Variants in ADCY2 observed in about 807,000 individuals in gnomAD.
ADCY2 encodes adenylate cyclase 2.
A neutral mutation model predicts 125.2 loss-of-function variants in ADCY2; 31 were observed. The ratio of observed to expected loss-of-function variants is 0.25; its 90% CI spans 0.19 to 0.33. The LOEUF (loss-of-function observed/expected upper bound fraction) is 0.33, where lower values mean the gene tolerates loss of function less well. Among genes scored for constraint, ADCY2 ranks in the 10% least tolerant of loss-of-function variants. The probability of loss-of-function intolerance (pLI) is 1.00; values close to 1 mark genes in which losing one functional copy is unlikely to be tolerated. For missense variants in ADCY2, 904 were observed against 1,418.2 expected (o/e 0.64, Z 5.82); for synonymous variants, 512 against 548.4 (o/e 0.93, Z 0.93).
intron 2 of ADCY2, among the ~76,000 whole-genome samples, chr5:7,499,582 C>A: frequency 6.8e-6 from 1 of 146,708 alleles, no homozygotes; most frequent in Non-Finnish European, 1.5e-5. Flanking sequence ...TAATTTAAAG[C>A]TAACAAAGCA....
At chr5:7,470,962 T>C (rs1319996138) in intron 2 of ADCY2, among the ~76,000 whole-genome samples, 1 of 151,882 alleles carries the variant, frequency 6.6e-6, no homozygotes, top group East Asian at 1.9e-4. Flanking sequence ...AGTGCATGCA[T>C]GTTTGTTTCT....
intron 2 of ADCY2, among the ~76,000 whole-genome samples, chr5:7,517,456 TA>T (rs1034687629): frequency 1.1e-4 from 16 of 152,100 alleles, no homozygotes; most frequent in South Asian, 8.3e-4. Flanking sequence ...AAAGCAGGCT[TA>T]AAAAAAATGA....
At chr5:7,622,828 G>A (rs142766900) in intron 3 of ADCY2, among the ~76,000 whole-genome samples, 1 of 152,302 alleles carries the variant, frequency 6.6e-6, no homozygotes, top group Admixed American at 6.5e-5. Context: ...CAGCACAGCG[G>A]GGAGCACCCT....
intron 14 of ADCY2, among the ~76,000 whole-genome samples, chr5:7,729,165 A>AT (rs970543592): frequency 6.6e-6 from 1 of 152,028 alleles, no homozygotes; most frequent in African/African-American, 2.4e-5. Flanking sequence ...TGACTTCTTC[A>AT]TTTTTCTTTC....
In ADCY2 at chr5:7,690,795, A is replaced by C. The variant is rs199691195; in HGVS notation, c.825A>C (p.Thr275=). ...QGPKAGQMEN[T]NNFHNLYVKR... ...CCAAGGCGGGCCAGATGGAGAACAC[A>C]AATAACTTCCACAACCTGTATGTGA... The change falls in exon 5 of 25, where the codon ACA becomes ACC. Residue 275 remains threonine, a synonymous_variant. Transcript: ENST00000338316. 1 of 1,608,708 alleles carries C rather than the reference A, an allele frequency of 6.2e-7. No individual in the cohort carries two copies. Among genetic ancestry groups the C allele is most frequent in the African/African-American group, 1.3e-5 (1 of 74,762 alleles).
chr5:7,597,330 C>G (rs78702196), intron 3 of ADCY2, among the ~76,000 whole-genome samples: 8,642 of 152,298 alleles, frequency 0.057, 291 homozygotes, highest in Middle Eastern at 0.1. Context: ...TTGGGCACCT[C>G]AGGCTGCGCC....
At chr5:7,524,615 T>C (rs1465647561) in intron 3 of ADCY2, among the ~76,000 whole-genome samples, 1 of 152,218 alleles carries the variant, frequency 6.6e-6, no homozygotes, top group Non-Finnish European at 1.5e-5. Flanking sequence ...CTAACACTTT[T>C]GAAGATTGCA....
intron 18 of ADCY2, among the ~76,000 whole-genome samples, chr5:7,773,636 C>T (rs1014037537): frequency 1.3e-5 from 2 of 152,184 alleles, no homozygotes; most frequent in African/African-American, 4.8e-5. Context: ...TACAGTGTTA[C>T]ATTTTTCACT....
At chr5:7,420,804 G>A (rs1740172579) in intron 2 of ADCY2, among the ~76,000 whole-genome samples, 1 of 152,188 alleles carries the variant, frequency 6.6e-6, no homozygotes, top group South Asian at 2.1e-4. Context: ...CTTGTGAAAT[G>A]CCTTTCATTT....
chr5:7,431,821 A>G (rs1422468739), intron 2 of ADCY2, among the ~76,000 whole-genome samples: 1 of 152,186 alleles, frequency 6.6e-6, no homozygotes, highest in Admixed American at 6.5e-5. Flanking sequence ...ATGAAAACAT[A>G]TTCAGTATTA....
At chr5:7,711,903 G>A (rs914006218) in intron 10 of ADCY2, among the ~76,000 whole-genome samples, 1 of 152,174 alleles carries the variant, frequency 6.6e-6, no homozygotes, top group African/African-American at 2.4e-5. Flanking sequence ...TTAACTGTGT[G>A]TCTCACTCAC....
In ADCY2 at chr5:7,827,908, C is replaced by T. The variant is rs1183239518; in HGVS notation, c.*1037C>T. ...TGCTAGAGCTAACAGACATAGACTG[C>T]AAAAGAATAATTTGGAATCAGCTAT... On this transcript the variant is annotated 3_prime_UTR_variant, in exon 25 of 25. Coordinates refer to ENST00000338316, the MANE Select transcript of ADCY2 (RefSeq NM_020546.3). 1 of 152,448 alleles carries T rather than the reference C, an allele frequency of 6.6e-6. No individual in the cohort carries two copies. The highest frequency in any genetic ancestry group is 1.5e-5 in the Non-Finnish European group (1 of 68,042). 9.4% of individuals were successfully genotyped at this position (152,448 alleles called of 1,614,324 possible).
At chr5:7,758,639 A>G (rs1027945741) in intron 16 of ADCY2, among the ~76,000 whole-genome samples, 3 of 152,194 alleles carry the variant, frequency 2.0e-5, no homozygotes, top group African/African-American at 7.2e-5. Flanking sequence ...TTCCAGGAGT[A>G]GGAGTAGGAG....
chr5:7,771,425 T>A (rs1743554888), intron 17 of ADCY2, among the ~76,000 whole-genome samples: 1 of 152,134 alleles, frequency 6.6e-6, no homozygotes, highest in Non-Finnish European at 1.5e-5. Flanking sequence ...AAGTGAAGGG[T>A]GGCCTTCACA....
intron 3 of ADCY2, among the ~76,000 whole-genome samples, chr5:7,530,865 C>G (rs535022548): frequency 6.6e-6 from 1 of 152,250 alleles, no homozygotes; most frequent in South Asian, 2.1e-4. Flanking sequence ...GAGTGCCTTT[C>G]CTACCCCTTC....
intron 4 of ADCY2, among the ~76,000 whole-genome samples, chr5:7,668,236 A>T (rs942151721): frequency 1.2e-4 from 18 of 152,356 alleles, no homozygotes; most frequent in African/African-American, 3.8e-4. Flanking sequence ...AACTCTGAGT[A>T]AATCAGATTA....
At chr5:7,826,245 A>G (rs1378968645) in intron 24 of ADCY2, among the ~76,000 whole-genome samples, 1 of 152,174 alleles carries the variant, frequency 6.6e-6, no homozygotes, top group African/African-American at 2.4e-5. Flanking sequence ...ACTGACATCT[A>G]TGATTAATGT....
intron 3 of ADCY2, among the ~76,000 whole-genome samples, chr5:7,583,055 G>GA (rs1261909835): frequency 1.3e-5 from 2 of 151,882 alleles, no homozygotes; most frequent in East Asian, 3.9e-4. Flanking sequence ...ATACTGGTAG[G>GA]AAAAAATGTA....
intron 2 of ADCY2, among the ~76,000 whole-genome samples, chr5:7,473,946 C>T (rs1313970448): frequency 6.6e-6 from 1 of 152,186 alleles, no homozygotes; most frequent in Non-Finnish European, 1.5e-5. Context: ...ATCTTACCTG[C>T]CTGCATGGTG....
Sources: allele counts gnomAD v4.1 joint callset (sites outside exome capture counted in the v4.1 genomes callset), GRCh38; gene constraint gnomAD v4.1.1; transcripts MANE v1.5; gene names NCBI Gene and HGNC (gene_info 2026-07-23, HGNC 2026-07-21).